The following REDIC1 variants were observed in gnomAD, a reference collection of about 807,000 sequenced individuals.
The protein encoded by REDIC1 is HEI10 Interacting Protein 1.
chr12:39,651,241 G>T, the REDIC1 span, among the ~76,000 whole-genome samples: 1 of 152,152 alleles, frequency 6.6e-6, no homozygotes, highest in African/African-American at 2.4e-5. Context: ...TGGTCTCAAA[G>T]TATCTTACTA....
the REDIC1 span, among the ~76,000 whole-genome samples, chr12:39,711,675 G>GTGTA: frequency 1.6e-4 from 22 of 133,900 alleles, 3 homozygotes; most frequent in African/African-American, 5.5e-4. Flanking sequence ...ACACATGTAT[G>GTGTA]TGTGTATGCA....
the REDIC1 span, among the ~76,000 whole-genome samples, chr12:39,657,500 T>C: frequency 1.3e-5 from 2 of 152,250 alleles, no homozygotes; most frequent in African/African-American, 4.8e-5. Flanking sequence ...TGAAGCCATG[T>C]GAGTACTGGT....
chr12:39,811,177 T>C, the REDIC1 span, among the ~76,000 whole-genome samples: 1 of 152,078 alleles, frequency 6.6e-6, no homozygotes, highest in African/African-American at 2.4e-5. Context: ...TTAATTATAA[T>C]AATAGAAAGT....
the REDIC1 span, chr12:39,647,783 T>G: frequency 2.7e-6 from 4 of 1,486,716 alleles, no homozygotes; most frequent in South Asian, 4.1e-5. Flanking sequence ...TTTATCTTCT[T>G]TCCTATAGTC....
the REDIC1 span, among the ~76,000 whole-genome samples, chr12:39,634,949 A>G: frequency 9.2e-5 from 14 of 152,316 alleles, no homozygotes; most frequent in Non-Finnish European, 1.8e-4. Flanking sequence ...AGAAAAAAAA[A>G]CAACCCCATC....
the REDIC1 span, among the ~76,000 whole-genome samples, chr12:39,795,286 A>G: frequency 6.6e-6 from 1 of 151,804 alleles, no homozygotes; most frequent in African/African-American, 2.4e-5. Context: ...TCAGTTCACT[A>G]ATTCTACTGA....
At chr12:39,747,787 A>G in the REDIC1 span, among the ~76,000 whole-genome samples, 1 of 152,308 alleles carries the variant, frequency 6.6e-6, no homozygotes, top group Admixed American at 6.5e-5. Context: ...ATTCTTAAAG[A>G]AAAGAATTTT....
At chr12:39,647,883 T>C in the REDIC1 span, 3 of 1,608,058 alleles carry the variant, frequency 1.9e-6, no homozygotes, top group Non-Finnish European at 2.6e-6. Context: ...TCAGTGGAGT[T>C]ACCTTCTAAC....
the REDIC1 span, among the ~76,000 whole-genome samples, chr12:39,843,302 G>C: frequency 1.3e-5 from 2 of 151,976 alleles, no homozygotes. Flanking sequence ...ATTGTTAATT[G>C]AAGAATTTTA....
the REDIC1 span, among the ~76,000 whole-genome samples, chr12:39,883,126 T>C: frequency 1.3e-5 from 2 of 152,212 alleles, no homozygotes; most frequent in Non-Finnish European, 2.9e-5. Context: ...CAGTGTTAAG[T>C]ATATATCATT....
chr12:39,646,854 G>A, the REDIC1 span: 2 of 1,591,074 alleles, frequency 1.3e-6, no homozygotes, highest in South Asian at 2.3e-5. Context: ...AACTGTCAAA[G>A]ACTAAGTAGC....
At chr12:39,630,448 T>C in the REDIC1 span, among the ~76,000 whole-genome samples, 1 of 152,328 alleles carries the variant, frequency 6.6e-6, no homozygotes, top group East Asian at 1.9e-4. Flanking sequence ...TTTGTAAATG[T>C]AGGCCTAGAC....
chr12:39,740,518 T>C, the REDIC1 span, among the ~76,000 whole-genome samples: 1 of 152,216 alleles, frequency 6.6e-6, no homozygotes, highest in South Asian at 2.1e-4. Context: ...TTTTTTGTTT[T>C]ATTTTCTGGG....
the REDIC1 span, chr12:39,648,058 A>C: frequency 9.7e-7 from 1 of 1,028,616 alleles, no homozygotes; most frequent in South Asian, 2.7e-5. Context: ...TAGATTTAAA[A>C]TATTTACATT....
chr12:39,904,732 G>T, the REDIC1 span, among the ~76,000 whole-genome samples: 1 of 152,116 alleles, frequency 6.6e-6, no homozygotes, highest in Non-Finnish European at 1.5e-5. Context: ...TAGACTACAA[G>T]CCACAGGGGA....
the REDIC1 span, among the ~76,000 whole-genome samples, chr12:39,644,702 A>C: frequency 6.6e-6 from 1 of 151,940 alleles, no homozygotes; most frequent in Non-Finnish European, 1.5e-5. Context: ...TTTTGAGAAT[A>C]AAACTTATTG....
At chr12:39,741,527 C>A in the REDIC1 span, among the ~76,000 whole-genome samples, 1 of 152,164 alleles carries the variant, frequency 6.6e-6, no homozygotes, top group Non-Finnish European at 1.5e-5. Context: ...ACGGACAAAT[C>A]AAACTTGCAA....
the REDIC1 span, among the ~76,000 whole-genome samples, chr12:39,842,429 T>C: frequency 6.6e-6 from 1 of 152,056 alleles, no homozygotes; most frequent in Admixed American, 6.6e-5. Context: ...TGTTGAAATG[T>C]AAAGTTATGC....
At chr12:39,653,553 TC>T in the REDIC1 span, among the ~76,000 whole-genome samples, 1 of 106,544 alleles carries the variant, frequency 9.4e-6, no homozygotes, top group African/African-American at 3.2e-5. Flanking sequence ...TTCTTCTTCT[TC>T]TTCTTTCTTC....
Sources: allele counts gnomAD v4.1 joint callset (sites outside exome capture counted in the v4.1 genomes callset), GRCh38; gene constraint gnomAD v4.1.1; transcripts MANE v1.5; gene names NCBI Gene and HGNC (gene_info 2026-07-23, HGNC 2026-07-21).